Variants in NUDCD3 observed in about 807,000 individuals in gnomAD.
NUDCD3 encodes nudC domain-containing protein 3.
A neutral mutation model predicts 39.7 loss-of-function variants in NUDCD3; 13 were observed. The ratio of observed to expected loss-of-function variants is 0.33; its 90% CI spans 0.21 to 0.52. The LOEUF is 0.52. NUDCD3 is among the 20% of genes least tolerant of loss of function. The pLI, the probability that NUDCD3 is intolerant of heterozygous loss-of-function variation, is 0.96. For missense variants in NUDCD3, 453 were observed against 458.1 expected, an observed-to-expected ratio of 0.99 and a Z score of 0.10; for synonymous variants, 175 against 172.4, an observed-to-expected ratio of 1.02 and a Z score of -0.12.
At chr7:44,411,028 G>C (rs1172566191) in intron 3 of NUDCD3, among the ~76,000 whole-genome samples, 2 of 152,164 alleles carry the variant, frequency 1.3e-5, no homozygotes, top group Non-Finnish European at 2.9e-5. Context: ...AGAGTACCAA[G>C]ACAATTCAAT....
At chr7:44,467,923 G>A (rs201877539) in intron 2 of NUDCD3, 163 of 1,607,458 alleles carry the variant, frequency 1.0e-4, no homozygotes, top group African/African-American at 2.7e-5. Flanking sequence ...CCCTTGTGAA[G>A]CCCAAGATCG....
At chr7:44,413,873 A>G (rs1400721400) in intron 3 of NUDCD3, among the ~76,000 whole-genome samples, 2 of 152,072 alleles carry the variant, frequency 1.3e-5, no homozygotes, top group African/African-American at 4.8e-5. Context: ...TTGAGCAACA[A>G]AGGAAAACCC....
chr7:44,424,766 G>A (rs1473132259), intron 3 of NUDCD3, among the ~76,000 whole-genome samples: 2 of 152,136 alleles, frequency 1.3e-5, no homozygotes, highest in African/African-American at 4.8e-5. Context: ...AATACCATTT[G>A]ACCCAACAAT....
chr7:44,433,859 C>G (rs535841358), intron 2 of NUDCD3, among the ~76,000 whole-genome samples: 1 of 152,150 alleles, frequency 6.6e-6, no homozygotes. Flanking sequence ...GCAAGGCACT[C>G]GAGGTAGCCC....
In NUDCD3 at chr7:44,485,238, C is replaced by T; in HGVS notation, c.239G>A (p.Arg80Lys). Residue 80 changes from arginine to lysine, a missense_variant, in exon 2 of 6, where the codon AGA (arginine) becomes AAA (lysine). Arg to Lys is a conservative substitution (Grantham distance 26). Coordinates refer to ENST00000355451, the MANE Select transcript of NUDCD3 (RefSeq NM_015332.4). ...DHMARQDDEK[R>K]RQELEEKIRR... ...GATTTTCTCTTCAAGTTCCTGCCTT[C>T]TCTTCTCATCATCCTGACGGGCCAT... 1 of 1,614,088 alleles carries T rather than the reference C, an allele frequency of 6.2e-7. No individual in the cohort carries two copies. Among genetic ancestry groups the T allele is most frequent in the Non-Finnish European group, 8.5e-7 (1 of 1,179,958 alleles).
chr7:44,454,234 G>A (rs1032237926), intron 2 of NUDCD3, among the ~76,000 whole-genome samples: 1 of 152,180 alleles, frequency 6.6e-6, no homozygotes, highest in East Asian at 1.9e-4. Flanking sequence ...AGCTACTGGG[G>A]AGGCTGAGGC....
chr7:44,476,372 T>C (rs1029597534), intron 2 of NUDCD3, among the ~76,000 whole-genome samples: 2 of 152,190 alleles, frequency 1.3e-5, no homozygotes, highest in African/African-American at 4.8e-5. Flanking sequence ...AGTAATGTTA[T>C]TTGGAGGTGG....
chr7:44,394,656 A>AT (rs1247495533), intron 4 of NUDCD3, among the ~76,000 whole-genome samples: 2 of 152,170 alleles, frequency 1.3e-5, no homozygotes, highest in African/African-American at 2.4e-5. Context: ...CATACATACC[A>AT]TTTTTTGTAT....
intron 1 of NUDCD3, among the ~76,000 whole-genome samples, chr7:44,485,889 C>T (rs994757155): frequency 2.0e-5 from 3 of 152,220 alleles, no homozygotes; most frequent in East Asian, 1.9e-4. Flanking sequence ...TTCTGGGAAA[C>T]AGTCACACCC....
In NUDCD3 at chr7:44,483,137, T is replaced by C. The variant is rs553422555; in HGVS notation, c.509+1831A>G. Among the ~76,000 whole-genome samples, 4 of 152,058 alleles carry C rather than the reference T, an allele frequency of 2.6e-5. No homozygotes were observed. In the South Asian group the frequency reaches 6.2e-4, roughly 24 times the overall value. ...CCCAATAGTATAAACACAAGGACTA[T>C]CATGCATGAGTAAATCTTAATCAAA... On this transcript the variant is annotated intron_variant, in intron 2 of 5. Coordinates refer to ENST00000355451, the MANE Select transcript of NUDCD3 (RefSeq NM_015332.4).
intron 3 of NUDCD3, among the ~76,000 whole-genome samples, chr7:44,421,133 A>C (rs1196221244): frequency 6.6e-6 from 1 of 152,066 alleles, no homozygotes; most frequent in Non-Finnish European, 1.5e-5. Flanking sequence ...GGAGTTCGAG[A>C]CCAGTCTGGC....
At chr7:44,453,490 C>T (rs191639953) in intron 2 of NUDCD3, among the ~76,000 whole-genome samples, 6 of 152,294 alleles carry the variant, frequency 3.9e-5, no homozygotes, top group Admixed American at 6.5e-5. Context: ...AGCACTAAAT[C>T]ATTTTTAAGA....
intron 2 of NUDCD3, among the ~76,000 whole-genome samples, chr7:44,438,641 C>G (rs544884828): frequency 6.6e-6 from 1 of 151,740 alleles, no homozygotes; most frequent in East Asian, 1.9e-4. Context: ...ACACCCCACC[C>G]TCATATCAAG....
At chr7:44,396,562 A>C (rs998451445) in intron 4 of NUDCD3, among the ~76,000 whole-genome samples, 2 of 151,798 alleles carry the variant, frequency 1.3e-5, no homozygotes, top group African/African-American at 4.8e-5. Flanking sequence ...GCAGATCCCC[A>C]TTCCTTTCTC....
chr7:44,445,095 A>G (rs1799665454), intron 2 of NUDCD3, among the ~76,000 whole-genome samples: 1 of 152,008 alleles, frequency 6.6e-6, no homozygotes, highest in African/African-American at 2.4e-5. Context: ...CCTCTCCTCC[A>G]ACTCACTGGT....
intron 2 of NUDCD3, among the ~76,000 whole-genome samples, chr7:44,470,042 T>C (rs2116963412): frequency 6.6e-6 from 1 of 152,306 alleles, no homozygotes; most frequent in South Asian, 2.1e-4. Flanking sequence ...GATGAGCTAA[T>C]GGTAATCCCT....
intron 2 of NUDCD3, among the ~76,000 whole-genome samples, chr7:44,445,971 G>T (rs902346607): frequency 1.3e-5 from 2 of 152,224 alleles, no homozygotes; most frequent in African/African-American, 4.8e-5. Context: ...TTGCTCATCA[G>T]TAAAGTCAGG....
chr7:44,396,996 G>A (rs535779873), intron 4 of NUDCD3, among the ~76,000 whole-genome samples: 1 of 152,238 alleles, frequency 6.6e-6, no homozygotes, highest in African/African-American at 2.4e-5. Flanking sequence ...TCAAGTTTGT[G>A]GAGGTATAGT....
chr7:44,401,839 C>A (rs959104169), intron 4 of NUDCD3, among the ~76,000 whole-genome samples: 2 of 152,202 alleles, frequency 1.3e-5, no homozygotes, highest in Non-Finnish European at 2.9e-5. Flanking sequence ...CAGGTGGAGA[C>A]AGGCCTGCCG....
Sources: gnomAD v4.1 joint callset for allele counts (sites outside exome capture counted in the v4.1 genomes callset) on GRCh38, gnomAD v4.1.1 for gene constraint, MANE v1.5 for transcripts, NCBI Gene and HGNC (gene_info 2026-07-23, HGNC 2026-07-21) for gene names.